Variants in SNX1 observed in about 807,000 individuals in gnomAD.
SNX1 encodes sorting nexin 1.
Under a neutral mutation model 71.8 loss-of-function variants are expected in SNX1, and 36 were observed. That is an observed-to-expected ratio of 0.50 (90% CI 0.38 to 0.66). The LOEUF is 0.66. Among genes scored for constraint, SNX1 ranks in the 30% least tolerant of loss-of-function variants. The probability of loss-of-function intolerance (pLI) is 0.00; values close to 1 mark genes in which losing one functional copy is unlikely to be tolerated. For missense variants in SNX1, 612 were observed against 646.7 expected, an observed-to-expected ratio of 0.95 and a Z score of 0.58; for synonymous variants, 254 against 240.7, an observed-to-expected ratio of 1.06 and a Z score of -0.51.
chr15:64,138,295 C>CTT lies in SNX1; in HGVS notation c.*678_*679insTT. On this transcript the variant is annotated 3_prime_UTR_variant, in exon 15 of 15. Transcript: ENST00000559844. The stretch of plus-strand genomic sequence containing the variant: ...GCAAAATCTATTAAAACCTATTCTC[C>CTT]TGCAAAGGAGGCAGAGACTTTCTCT... 5.1e-6 allele frequency: 6 copies of CTT among 1,169,532 alleles called. No individual in the cohort carries two copies. Among genetic ancestry groups the CTT allele is most frequent in the South Asian group, 1.9e-5 (1 of 53,652 alleles). 72.4% of individuals were successfully genotyped at this position (1,169,532 alleles called of 1,614,324 possible).
At chr15:64,114,395 T>A (rs1595986037) in intron 2 of SNX1, among the ~76,000 whole-genome samples, 1 of 152,206 alleles carries the variant, frequency 6.6e-6, no homozygotes, top group Non-Finnish European at 1.5e-5. Context: ...GTCAAAAGGT[T>A]TCAAGTCCAA....
At position 64,141,286 on chromosome 15, in the gene SNX1, G is replaced by A. The variant is rs2081412211; in HGVS notation, c.*3668G>A. The A allele has an allele frequency of 6.6e-6, 1 of 152,184 alleles. No individual in the cohort carries two copies. The highest frequency in any genetic ancestry group is 1.5e-5 in the Non-Finnish European group (1 of 68,036). 9.4% of individuals were successfully genotyped at this position (152,184 alleles called of 1,614,324 possible). A position where few individuals can be genotyped will look rare whatever the true frequency, so the allele number is the denominator to read the frequency against. ...GTTTTTCTTATTTCCTTGGAATGAT[G>A]TCTCCTCTGGTTTCAGAACTTCCTC... On this transcript the variant is annotated 3_prime_UTR_variant, in exon 15 of 15. Transcript: ENST00000559844. The surrounding 1 kb of genome is among the most constrained non-coding windows in gnomAD (Gnocchi z 5.1).
At chr15:64,105,797 A>C (rs1348926158) in intron 1 of SNX1, among the ~76,000 whole-genome samples, 1 of 152,108 alleles carries the variant, frequency 6.6e-6, no homozygotes, top group Non-Finnish European at 1.5e-5. Flanking sequence ...GATTTTCCTT[A>C]ACTAGCTCAG....
intron 1 of SNX1, among the ~76,000 whole-genome samples, chr15:64,103,216 C>T (rs1462346886): frequency 6.6e-6 from 1 of 152,080 alleles, no homozygotes; most frequent in African/African-American, 2.4e-5. Context: ...TGGATACATA[C>T]CTAGTAGTGG....
At position 64,127,253 on chromosome 15, in the gene SNX1, G is replaced by A. The variant is rs777903589; in HGVS notation, c.731+1G>A. The A allele has an allele frequency of 1.2e-6, 2 of 1,610,816 alleles. No homozygotes were observed. The highest frequency in any genetic ancestry group is 8.5e-7 in the Non-Finnish European group (1 of 1,178,088). ...AAAAACGGAGGGCCGCTTTAGAAAG[G>A]TAAGTGCCATGCAGCCATTTTCCTG... On this transcript the variant is annotated splice_donor_variant, in intron 7 of 14. Coordinates refer to ENST00000559844, the MANE Select transcript of SNX1 (RefSeq NM_003099.5). LOFTEE classifies it high-confidence loss of function.
rs2081408653 is a variant in SNX1, at chr15:64,141,019, A to AGATAGAT, written c.*3409_*3415dup. 6.6e-6 allele frequency: 1 copy of AGATAGAT among 150,782 alleles called. No individual in the cohort carries two copies. Among genetic ancestry groups the AGATAGAT allele is most frequent in the Non-Finnish European group, 1.5e-5 (1 of 68,028 alleles). 9.3% of individuals were successfully genotyped at this position (150,782 alleles called of 1,614,324 possible). A position where few individuals can be genotyped will look rare whatever the true frequency, so the allele number is the denominator to read the frequency against. On this transcript the variant is annotated 3_prime_UTR_variant, in exon 15 of 15. Transcript: ENST00000559844. The surrounding 1 kb of genome is among the most constrained non-coding windows in gnomAD (Gnocchi z 5.1). The stretch of plus-strand genomic sequence containing the variant: ...TAGATAGATAGATAGATAGATAGAT[A>AGATAGAT]GATAGATGATAGATATAGATAGATA...
chr15:64,114,899 T>C (rs2081113114), intron 2 of SNX1, among the ~76,000 whole-genome samples: 1 of 152,168 alleles, frequency 6.6e-6, no homozygotes, highest in Non-Finnish European at 1.5e-5. Flanking sequence ...TCCAGCACTT[T>C]GGGAGGCCAA....
Position 64,118,272 on chromosome 15 carries a change from G to C in SNX1, c.399+28G>C, listed in dbSNP as rs770482220. ...GAGGATCTGTGCTCTTGGTCTTATC[G>C]CTTTTAGATATTGAGGACTGTGTAC... On this transcript the variant is annotated intron_variant, in intron 3 of 14. Transcript: ENST00000559844. 1.2e-5 allele frequency: 19 copies of C among 1,596,860 alleles called. No homozygotes were observed. In the South Asian group the frequency reaches 1.9e-4, roughly 16 times the overall value.
At chr15:64,118,376 A>G in intron 3 of SNX1, 132 bp downstream of exon 3, 1 of 1,009,300 alleles carries the variant, frequency 9.9e-7, no homozygotes, top group Non-Finnish European at 1.5e-6. Flanking sequence ...TGGTTAATGG[A>G]CAGCCAGAAT....
intron 8 of SNX1, 47 bp downstream of exon 8, chr15:64,127,853 A>G: frequency 1.4e-6 from 2 of 1,456,102 alleles, no homozygotes; most frequent in Non-Finnish European, 1.9e-6. Flanking sequence ...ATCTGCCCCT[A>G]GTGAAACGAA....
At chr15:64,126,717 C>T (rs2140153411) in intron 6 of SNX1, among the ~76,000 whole-genome samples, 1 of 152,196 alleles carries the variant, frequency 6.6e-6, no homozygotes, top group South Asian at 2.1e-4. Flanking sequence ...TTAGCTGGGA[C>T]TACAGGTGCC....
At chr15:64,124,164 A>ATATATATATATATG (rs2081225410) in intron 5 of SNX1, among the ~76,000 whole-genome samples, 1 of 139,186 alleles carries the variant, frequency 7.2e-6, no homozygotes, top group African/African-American at 2.9e-5. Flanking sequence ...ATATATATAT[A>ATATATATATATATG]TATATATATA....
chr15:64,106,295 C>A (rs1595978963), intron 1 of SNX1, among the ~76,000 whole-genome samples: 1 of 152,230 alleles, frequency 6.6e-6, no homozygotes, highest in Middle Eastern at 3.4e-3. Context: ...GGCTAATGGA[C>A]CCCAAGATAA....
intron 2 of SNX1, among the ~76,000 whole-genome samples, chr15:64,116,779 A>C (rs553307204): frequency 1.3e-5 from 2 of 152,214 alleles, no homozygotes; most frequent in Admixed American, 1.3e-4. Context: ...TTGAAAGTGC[A>C]TTCTTTTTAT....
intron 4 of SNX1, 99 bp downstream of exon 4, chr15:64,118,953 A>C: frequency 1.2e-6 from 1 of 816,534 alleles, no homozygotes; most frequent in South Asian, 1.5e-5. Flanking sequence ...GAACTAGCCA[A>C]TGTGAAGTAC....
intron 12 of SNX1, among the ~76,000 whole-genome samples, chr15:64,135,399 C>T (rs1596008479): frequency 1.3e-5 from 2 of 150,568 alleles, no homozygotes; most frequent in Middle Eastern, 3.4e-3. Flanking sequence ...CGCGCCCGGC[C>T]GAGGTCAGGA....
chr15:64,116,245 G>A (rs149075267), intron 2 of SNX1, among the ~76,000 whole-genome samples: 138 of 152,312 alleles, frequency 9.1e-4, no homozygotes, highest in Non-Finnish European at 1.7e-3. Context: ...CATCATAAAG[G>A]TTTTCATTCT....
chr15:64,118,713 T>G, intron 3 of SNX1, 75 bp from the exon 4 acceptor site: 1 of 1,082,274 alleles, frequency 9.2e-7, no homozygotes, highest in East Asian at 2.4e-5. Flanking sequence ...TAGATTGGTA[T>G]AAGGTTATTA....
At chr15:64,125,864 A>G (rs1156508986) in intron 5 of SNX1, among the ~76,000 whole-genome samples, 1 of 152,162 alleles carries the variant, frequency 6.6e-6, no homozygotes, top group East Asian at 1.9e-4. Context: ...ATTTAAAATC[A>G]TTATTCTGAG....
Sources: gnomAD v4.1 joint callset for allele counts (sites outside exome capture counted in the v4.1 genomes callset) on GRCh38, gnomAD v4.1.1 for gene constraint, Gnocchi (gnomAD v3.1) non-coding constraint, MANE v1.5 for transcripts, NCBI Gene and HGNC (gene_info 2026-07-23, HGNC 2026-07-21) for gene names.